SH3KBP1: variants seen among roughly 807,000 people sequenced by gnomAD.
SH3KBP1 encodes the protein SH3 domain containing kinase binding protein 1.
SH3KBP1 carries 8 observed loss-of-function variants against 50.1 expected under a neutral mutation model. The ratio of observed to expected loss-of-function variants is 0.16; its 90% CI spans 0.09 to 0.29. The LOEUF is 0.29. SH3KBP1 is among the 10% of genes least tolerant of loss of function. SH3KBP1 has a pLI of 1.00. For synonymous variants in SH3KBP1, 227 were observed against 218.6 expected (o/e 1.04, Z -0.34); for missense variants, 377 against 535.2 (o/e 0.70, Z 2.92).
intron 1 of SH3KBP1, 144 bp from the exon 2 acceptor site, chrX:19,836,426 C>A: frequency 1.9e-6 from 1 of 536,053 alleles, no homozygotes; most frequent in Non-Finnish European, 3.0e-6. Flanking sequence ...ACACAGTAAC[C>A]CAATTTTGGT....
intron 7 of SH3KBP1, among the ~76,000 whole-genome samples, chrX:19,640,571 C>A (rs1264089977): frequency 9.2e-6 from 1 of 108,840 alleles, no homozygotes; most frequent in Non-Finnish European, 1.9e-5. Context: ...TCACAACGAG[C>A]CAATAAACCT....
intron 12 of SH3KBP1, among the ~76,000 whole-genome samples, chrX:19,580,338 CT>C (rs1174240319): frequency 9.0e-6 from 1 of 111,356 alleles, no homozygotes; most frequent in East Asian, 2.8e-4. Flanking sequence ...CATTCTCCAT[CT>C]TTTTTCCATA....
At chrX:19,777,594 A>G (rs1337851538) in intron 2 of SH3KBP1, among the ~76,000 whole-genome samples, 3 of 111,529 alleles carry the variant, frequency 2.7e-5, no homozygotes, top group African/African-American at 9.8e-5. Flanking sequence ...AGCTGCATTC[A>G]TTGGTGGAAC....
intron 1 of SH3KBP1, among the ~76,000 whole-genome samples, chrX:19,859,727 G>A (rs920114181): frequency 5.4e-5 from 6 of 110,373 alleles, no homozygotes; most frequent in Non-Finnish European, 1.1e-4. Context: ...TGCACCTTCT[G>A]GGCATTCCCC....
chrX:19,538,889 T>C (rs1043497230), intron 16 of SH3KBP1, among the ~76,000 whole-genome samples: 12 of 112,342 alleles, frequency 1.1e-4, no homozygotes, highest in Middle Eastern at 4.7e-3. Flanking sequence ...ACCTGGCCTA[T>C]TTCCTTTATT....
At chrX:19,655,191 A>G (rs2062241009) in intron 6 of SH3KBP1, among the ~76,000 whole-genome samples, 1 of 111,905 alleles carries the variant, frequency 8.9e-6, no homozygotes, top group Non-Finnish European at 1.9e-5. Context: ...TTTTCTTTAT[A>G]CCTCTAAAAT....
At chrX:19,760,402 ATACATACATACATACATAC>A (rs2065383288) in intron 2 of SH3KBP1, among the ~76,000 whole-genome samples, 3 of 59,638 alleles carry the variant, frequency 5.0e-5, no homozygotes, top group Admixed American at 1.9e-4. Context: ...AAATAAATAC[ATACATACATACATACATAC>A]ATACATACAT....
chrX:19,541,840 G>A, intron 16 of SH3KBP1, 85 bp downstream of exon 16: 1 of 1,091,778 alleles, frequency 9.2e-7, no homozygotes, highest in Non-Finnish European at 1.2e-6. Context: ...TCCAAGGCAG[G>A]CTGGGATCCA....
At chrX:19,693,499 G>T (rs894091547) in intron 5 of SH3KBP1, among the ~76,000 whole-genome samples, 1 of 111,618 alleles carries the variant, frequency 9.0e-6, no homozygotes, top group African/African-American at 3.3e-5. Flanking sequence ...CTCTCCAGGG[G>T]ATTCAAAATC....
intron 4 of SH3KBP1, among the ~76,000 whole-genome samples, chrX:19,706,249 C>T (rs1301567420): frequency 9.0e-6 from 1 of 111,088 alleles, no homozygotes; most frequent in African/African-American, 3.3e-5. Flanking sequence ...ACCCAGGATC[C>T]CCTAGGCCTG....
intron 1 of SH3KBP1, among the ~76,000 whole-genome samples, chrX:19,884,056 G>T (rs1410743597): frequency 8.9e-6 from 1 of 111,801 alleles, no homozygotes; most frequent in Non-Finnish European, 1.9e-5. Context: ...ACAAGAACCA[G>T]GTGTGGCTGG....
At chrX:19,865,800 A>G (rs919544685) in intron 1 of SH3KBP1, among the ~76,000 whole-genome samples, 5 of 112,136 alleles carry the variant, frequency 4.5e-5, no homozygotes, top group African/African-American at 1.6e-4. Context: ...ACCAAAGGAG[A>G]CAGCCAACAC....
chrX:19,614,057 G>A (rs781163501), intron 8 of SH3KBP1, among the ~76,000 whole-genome samples: 42 of 112,914 alleles, frequency 3.7e-4, no homozygotes, highest in Middle Eastern at 4.2e-3. Flanking sequence ...GCGACCCAGC[G>A]CCATCCTCGA....
intron 6 of SH3KBP1, among the ~76,000 whole-genome samples, chrX:19,665,337 C>A (rs1422182587): frequency 8.9e-6 from 1 of 112,089 alleles, no homozygotes; most frequent in Non-Finnish European, 1.9e-5. Flanking sequence ...CTTCACTTTG[C>A]CAAACCATGC....
At chrX:19,549,065 G>A (rs752617271) in intron 14 of SH3KBP1, among the ~76,000 whole-genome samples, 1 of 111,804 alleles carries the variant, frequency 8.9e-6, no homozygotes, top group South Asian at 3.7e-4. Context: ...GCCCAATAAC[G>A]ATACATTGGC....
intron 2 of SH3KBP1, among the ~76,000 whole-genome samples, chrX:19,832,276 T>C (rs1338102206): frequency 9.0e-6 from 1 of 111,501 alleles, no homozygotes; most frequent in Non-Finnish European, 1.9e-5. Flanking sequence ...ACCCATTCCC[T>C]CACCCAGTGA....
At chrX:19,589,774 C>T (rs949557390) in intron 11 of SH3KBP1, among the ~76,000 whole-genome samples, 2 of 109,121 alleles carry the variant, frequency 1.8e-5, no homozygotes, top group East Asian at 5.7e-4. Context: ...CTTGCAAACA[C>T]AGACTCATGT....
chrX:19,746,961 A>G (rs1370272543), intron 2 of SH3KBP1, among the ~76,000 whole-genome samples: 2 of 112,693 alleles, frequency 1.8e-5, no homozygotes, highest in African/African-American at 6.4e-5. Context: ...AAGAAAAAAA[A>G]TAAGGATGGC....
intron 6 of SH3KBP1, among the ~76,000 whole-genome samples, chrX:19,661,625 T>C (rs1361950615): frequency 1.9e-5 from 2 of 104,646 alleles, no homozygotes; most frequent in Non-Finnish European, 3.9e-5. Flanking sequence ...AAAATAAAGG[T>C]TGTTTTTTTT....
Sources: gnomAD v4.1 joint callset for allele counts (sites outside exome capture counted in the v4.1 genomes callset) on GRCh38, gnomAD v4.1.1 for gene constraint, MANE v1.5 for transcripts, NCBI Gene and HGNC (gene_info 2026-07-23, HGNC 2026-07-21) for gene names.